The following SMAP1 variants were observed in gnomAD, a reference collection of about 807,000 sequenced individuals.
The protein encoded by SMAP1 is stromal membrane-associated protein 1.
SMAP1 carries 24 observed loss-of-function variants against 58.5 expected under a neutral mutation model. The observed-to-expected ratio is 0.41, with a 90% CI of 0.30 to 0.58. The LOEUF is 0.58. Among genes scored for constraint, SMAP1 ranks in the 20% least tolerant of loss-of-function variants. SMAP1 has a pLI of 0.29. For synonymous variants in SMAP1, 216 were observed against 196.6 expected, an observed-to-expected ratio of 1.10 and a Z score of -0.82; for missense variants, 563 against 566.3, an observed-to-expected ratio of 0.99 and a Z score of 0.06.
chr6:70,780,518 C>G (rs1317247212), intron 4 of SMAP1, among the ~76,000 whole-genome samples: 2 of 152,084 alleles, frequency 1.3e-5, no homozygotes, highest in Non-Finnish European at 2.9e-5. Flanking sequence ...GAGGTTGAGG[C>G]TTCAGTGAGC....
intron 6 of SMAP1, among the ~76,000 whole-genome samples, chr6:70,800,064 A>G (rs1009084755): frequency 1.3e-5 from 2 of 151,938 alleles, no homozygotes; most frequent in African/African-American, 2.4e-5. Flanking sequence ...AGCTTCATTT[A>G]TTTTACATTT....
chr6:70,800,232 A>G (rs1378992144), intron 6 of SMAP1, among the ~76,000 whole-genome samples: 3 of 151,968 alleles, frequency 2.0e-5, no homozygotes, highest in Non-Finnish European at 4.4e-5. Flanking sequence ...GCAGTGTGCT[A>G]TGATCATACC....
chr6:70,672,222 T>G (rs1766295715), intron 1 of SMAP1, among the ~76,000 whole-genome samples: 1 of 152,240 alleles, frequency 6.6e-6, no homozygotes. Flanking sequence ...AATAATGGTT[T>G]TAAGAAATAA....
At chr6:70,726,874 GGTGT>G (rs35977042) in intron 1 of SMAP1, among the ~76,000 whole-genome samples, 31,814 of 144,624 alleles carry the variant, frequency 0.22, 3,622 homozygotes, top group African/African-American at 0.31. Flanking sequence ...AAATTTTAGG[GGTGT>G]GTGTGTGTGT....
At chr6:70,831,120 G>C (rs1183534416) in intron 6 of SMAP1, among the ~76,000 whole-genome samples, 2 of 152,178 alleles carry the variant, frequency 1.3e-5, no homozygotes, top group Non-Finnish European at 2.9e-5. Flanking sequence ...TCTCTTCCTA[G>C]TCCAATAGCT....
intron 2 of SMAP1, among the ~76,000 whole-genome samples, chr6:70,745,337 A>G (rs2149877870): frequency 6.6e-6 from 1 of 152,252 alleles, no homozygotes; most frequent in Non-Finnish European, 1.5e-5. Flanking sequence ...ATCCATCTTG[A>G]ATTAATTTTT....
intron 10 of SMAP1, 70 bp from the exon 11 acceptor site, chr6:70,860,130 G>A: frequency 6.7e-7 from 1 of 1,491,278 alleles, no homozygotes; most frequent in Non-Finnish European, 8.9e-7. Flanking sequence ...ATGACCAACT[G>A]TGTGGCTAAA....
intron 5 of SMAP1, among the ~76,000 whole-genome samples, chr6:70,793,674 A>AGAGAGAGAG: frequency 3.0e-5 from 4 of 132,166 alleles, no homozygotes; most frequent in African/African-American, 2.8e-5. Context: ...GAGAGAGAGA[A>AGAGAGAGAG]AGCTTAAAAA....
intron 2 of SMAP1, among the ~76,000 whole-genome samples, chr6:70,753,825 A>G (rs1371277268): frequency 4.0e-5 from 6 of 150,274 alleles, no homozygotes. Context: ...CCATTACTTC[A>G]CTTTCTCATT....
At chr6:70,829,876 C>T (rs1770287409) in intron 6 of SMAP1, among the ~76,000 whole-genome samples, 1 of 152,128 alleles carries the variant, frequency 6.6e-6, no homozygotes, top group Admixed American at 6.5e-5. Flanking sequence ...CTTCTAGAGG[C>T]TCAGCTGTTA....
intron 6 of SMAP1, 74 bp from the exon 7 acceptor site, chr6:70,836,867 G>A: frequency 8.3e-7 from 1 of 1,204,916 alleles, no homozygotes; most frequent in Non-Finnish European, 1.1e-6. Flanking sequence ...TCAGAACCCT[G>A]TAATTAATTG....
At chr6:70,796,140 A>G (rs1414014552) in intron 5 of SMAP1, among the ~76,000 whole-genome samples, 1 of 150,776 alleles carries the variant, frequency 6.6e-6, no homozygotes, top group African/African-American at 2.4e-5. Flanking sequence ...TGCACATCCT[A>G]TTTATTCTTT....
At chr6:70,839,621 T>C (rs1223574777) in intron 7 of SMAP1, among the ~76,000 whole-genome samples, 1 of 152,142 alleles carries the variant, frequency 6.6e-6, no homozygotes, top group Non-Finnish European at 1.5e-5. Flanking sequence ...GATTTTGCAA[T>C]GACTCACAGT....
intron 3 of SMAP1, among the ~76,000 whole-genome samples, chr6:70,762,916 T>C (rs1314112618): frequency 6.6e-6 from 1 of 151,910 alleles, no homozygotes; most frequent in Non-Finnish European, 1.5e-5. Context: ...CAGATACATG[T>C]TATTTTGGAA....
At chr6:70,752,447 G>A (rs10755541) in intron 2 of SMAP1, among the ~76,000 whole-genome samples, 65,991 of 151,946 alleles carry the variant, frequency 0.43, 14,691 homozygotes, top group South Asian at 0.5. Context: ...TGTAAAATTA[G>A]GATAATAATG....
At chr6:70,670,985 A>G (rs963031458) in intron 1 of SMAP1, among the ~76,000 whole-genome samples, 1 of 152,216 alleles carries the variant, frequency 6.6e-6, no homozygotes, top group Admixed American at 6.5e-5. Flanking sequence ...CAACTGGAGA[A>G]TTTAAGAACA....
At chr6:70,827,163 G>A (rs1362821992) in intron 6 of SMAP1, among the ~76,000 whole-genome samples, 1 of 151,874 alleles carries the variant, frequency 6.6e-6, no homozygotes, top group Non-Finnish European at 1.5e-5. Flanking sequence ...CTTTCTTCAG[G>A]GGTCAATACT....
chr6:70,765,852 G>C (rs1053072335), intron 3 of SMAP1, among the ~76,000 whole-genome samples: 21 of 151,554 alleles, frequency 1.4e-4, no homozygotes, highest in African/African-American at 5.1e-4. Flanking sequence ...CCATTAACTC[G>C]TCATTTAGCA....
chr6:70,679,118 G>A (rs1000538777), intron 1 of SMAP1, among the ~76,000 whole-genome samples: 8 of 151,012 alleles, frequency 5.3e-5, no homozygotes, highest in African/African-American at 1.2e-4. Context: ...CTGCCTCCCC[G>A]GTTCAAGCGA....
Sources: allele counts gnomAD v4.1 joint callset (sites outside exome capture counted in the v4.1 genomes callset), GRCh38; gene constraint gnomAD v4.1.1; transcripts MANE v1.5; gene names NCBI Gene and HGNC (gene_info 2026-07-23, HGNC 2026-07-21).